Variants in HIVEP2 observed in about 807,000 individuals in gnomAD.
HIVEP2 encodes the protein transcription factor HIVEP2.
A neutral mutation model predicts 180.7 loss-of-function variants in HIVEP2; 14 were observed. That is an observed-to-expected ratio of 0.08 (90% CI 0.05 to 0.12). The LOEUF (loss-of-function observed/expected upper bound fraction) is 0.12, where lower values mean the gene tolerates loss of function less well. HIVEP2 is among the 10% of genes least tolerant of loss of function. The pLI is 1.00. For synonymous variants in HIVEP2, 1,184 were observed against 1,136.4 expected (o/e 1.04, Z -0.84); for missense variants, 2,579 against 3,008.5 (o/e 0.86, Z 3.34).
At chr6:142,820,231 G>A (rs1294052274) in intron 2 of HIVEP2, among the ~76,000 whole-genome samples, 1 of 151,882 alleles carries the variant, frequency 6.6e-6, no homozygotes, top group African/African-American at 2.4e-5. Context: ...AGAAATGTCA[G>A]GAAGCAGCTG....
intron 2 of HIVEP2, among the ~76,000 whole-genome samples, chr6:142,793,649 TTTCTTTC>T (rs1238256354): frequency 3.8e-3 from 165 of 43,696 alleles, no homozygotes; most frequent in South Asian, 6.6e-3. Flanking sequence ...TCTTTCTTTC[TTTCTTTC>T]TTTTTTCTTT....
At chr6:142,907,368 A>G (rs1307000695) in intron 1 of HIVEP2, among the ~76,000 whole-genome samples, 1 of 133,976 alleles carries the variant, frequency 7.5e-6, no homozygotes, top group East Asian at 1.9e-4. Context: ...TAGCACTACC[A>G]GTAGTCTTAC....
At chr6:142,889,259 C>G (rs908704757) in intron 1 of HIVEP2, among the ~76,000 whole-genome samples, 2 of 151,984 alleles carry the variant, frequency 1.3e-5, no homozygotes, top group African/African-American at 4.8e-5. Context: ...TCTCTTGAGT[C>G]CAGGAGATGG....
intron 1 of HIVEP2, among the ~76,000 whole-genome samples, chr6:142,923,970 A>C (rs769068084): frequency 2.6e-5 from 4 of 152,242 alleles, no homozygotes; most frequent in Admixed American, 6.5e-5. Context: ...GTGCTAGTTA[A>C]AATGATTCAA....
rs34581763 is a variant in HIVEP2 at position 142,944,427 on chromosome 6, C to CCACACA, written c.-641+666_-641+671dup. Among the ~76,000 whole-genome samples, 1,413 of 146,910 alleles carry CCACACA rather than the reference C, an allele frequency of 9.6e-3. 21 individuals are homozygous for CCACACA. Among genetic ancestry groups the CCACACA allele is most frequent in the African/African-American group, 0.034 (1,332 of 39,242 alleles). ...CATCAGCACCCCCTCCCCCACACACCCACACACACACACACACACGCACAC... is the reference window on the plus strand; with the variant it reads ...CATCAGCACCCCCTCCCCCACACACCCACACACACACACACACACACACACGCACAC... On this transcript the variant is annotated intron_variant, in intron 1 of 9. Coordinates refer to ENST00000367603, the MANE Select transcript of HIVEP2 (RefSeq NM_006734.4).
chr6:142,759,889 T>C lies in HIVEP2; in HGVS notation c.6399A>G (p.Arg2133=), dbSNP rs916777834. 1.9e-6 allele frequency: 3 copies of C among 1,614,046 alleles called. No homozygotes were observed. The African/African-American group carries it at 4.0e-5, about 22-fold the overall frequency. ...ITARRDLSPR[R]ERRYMTTIRA... ...TTATTGTGGTCATGTATCTTCTCTCTCTTCTAGGAGAGAGGTCTCTTCTTG... is the reference window on the plus strand; with the variant it reads ...TTATTGTGGTCATGTATCTTCTCTCCCTTCTAGGAGAGAGGTCTCTTCTTG... Residue 2133 remains arginine, a synonymous_variant, in exon 9 of 10, where the codon AGA becomes AGG. Transcript: ENST00000367603.
chr6:142,758,760 C>A (rs547352667), intron 9 of HIVEP2, among the ~76,000 whole-genome samples: 10 of 152,148 alleles, frequency 6.6e-5, no homozygotes, highest in Non-Finnish European at 1.5e-4. Flanking sequence ...TTACTGTTAT[C>A]TTCACTTATA....
rs374181802 is a variant in HIVEP2 at position 142,753,429 on chromosome 6, G to C, written c.7019C>G (p.Thr2340Arg). Residue 2340 changes from threonine to arginine, a missense_variant, in exon 10 of 10, where the codon ACG (threonine) becomes AGG (arginine). Coordinates refer to ENST00000367603, the MANE Select transcript of HIVEP2 (RefSeq NM_006734.4). ...TKAIASLRIA[T>R]EEAALLGPDQ... ...TGGCCCGAGCAGAGCTGCCTCTTCC[G>C]TGGCAATCCGGAGAGAGGCAATGGC... 6.2e-7 allele frequency: 1 copy of C among 1,613,968 alleles called. No individual in the cohort carries two copies. Among genetic ancestry groups the C allele is most frequent in the Non-Finnish European group, 8.5e-7 (1 of 1,180,036 alleles).
At chr6:142,824,775 C>G (rs976265304) in intron 2 of HIVEP2, among the ~76,000 whole-genome samples, 3 of 152,310 alleles carry the variant, frequency 2.0e-5, no homozygotes, top group Admixed American at 1.3e-4. Flanking sequence ...CCCATCTCAG[C>G]CAGCTACAAA....
At chr6:142,793,673 T>TTCTTTTTTTTTTCTTTCTTTCTTTCTC (rs1289211652) in intron 2 of HIVEP2, among the ~76,000 whole-genome samples, 3 of 107,512 alleles carry the variant, frequency 2.8e-5, no homozygotes, top group Admixed American at 2.5e-4. Context: ...CTTTCTTTCT[T>TTCTTTTTTTTTTCTTTCTTTCTTTCTC]TCTCTCTCTC....
chr6:142,880,641 C>T (rs192203528), intron 1 of HIVEP2, among the ~76,000 whole-genome samples: 11 of 152,246 alleles, frequency 7.2e-5, no homozygotes, highest in Admixed American at 2.0e-4. Context: ...TCATTACAAA[C>T]GGGGAAAGCT....
chr6:142,769,721 C>G lies in HIVEP2; in HGVS notation c.5018G>C (p.Trp1673Ser), dbSNP rs1402017295. The G allele has an allele frequency of 2.5e-6, 4 of 1,614,190 alleles. No homozygotes were observed. Among genetic ancestry groups the G allele is most frequent in the Non-Finnish European group, 3.4e-6 (4 of 1,180,034 alleles). ...GTTTGGATTACAGGAACTAATGCACCATGAAGCATAAACCGAGGATTTGAA... is the reference window on the plus strand; with the variant it reads ...GTTTGGATTACAGGAACTAATGCACGATGAAGCATAAACCGAGGATTTGAA... Reference protein sequence around the residue: ...ATFKSSVYASWCISSCNPNPS... With the variant: ...ATFKSSVYASSCISSCNPNPS... Residue 1673 changes from tryptophan to serine, a missense_variant, in exon 5 of 10, where the codon TGG becomes TCG. Coordinates refer to ENST00000367603, the MANE Select transcript of HIVEP2 (RefSeq NM_006734.4).
chr6:142,824,140 T>C (rs1777116151), intron 2 of HIVEP2, among the ~76,000 whole-genome samples: 1 of 152,136 alleles, frequency 6.6e-6, no homozygotes, highest in African/African-American at 2.4e-5. Flanking sequence ...GTTGACACCT[T>C]AGTATATATA....
intron 1 of HIVEP2, among the ~76,000 whole-genome samples, chr6:142,866,564 C>T (rs1776143943): frequency 6.6e-6 from 1 of 152,064 alleles, no homozygotes; most frequent in Non-Finnish European, 1.5e-5. Context: ...GTCAAAGTGC[C>T]TACCTTTAAT....
intron 1 of HIVEP2, among the ~76,000 whole-genome samples, chr6:142,914,670 T>C (rs1291906556): frequency 6.6e-6 from 1 of 152,182 alleles, no homozygotes; most frequent in Non-Finnish European, 1.5e-5. Context: ...AATAAATAAT[T>C]GTTAACTAAA....
chr6:142,780,924 T>C (rs1775842916), intron 3 of HIVEP2, among the ~76,000 whole-genome samples: 1 of 152,210 alleles, frequency 6.6e-6, no homozygotes, highest in African/African-American at 2.4e-5. Flanking sequence ...ATTTTATTAC[T>C]AAAATGTATA....
In HIVEP2 at chr6:142,772,031, T is replaced by C; in HGVS notation, c.2708A>G (p.Glu903Gly). 1 of 1,614,210 alleles carries C rather than the reference T, an allele frequency of 6.2e-7. No individual in the cohort carries two copies. Among genetic ancestry groups the C allele is most frequent in the Non-Finnish European group, 8.5e-7 (1 of 1,180,026 alleles). The change falls in exon 5 of 10, where the codon GAG becomes GGG. Residue 903 changes from glutamate to glycine, a missense_variant. Physicochemically the swap from Glu to Gly is moderately conservative, Grantham distance 98. Around this residue, in one of 11 missense-constraint regions of HIVEP2, gnomAD observed 51 missense variants for 102.8 expected, o/e 0.50. Transcript: ENST00000367603. This position sits in a 1 kb window ranked among gnomAD's most constrained non-coding sequence, Gnocchi z 4.9. The part of the protein sequence containing the change: ...VTEEPDKPEK[E>G]KEAQSKEPEK... ...TGGCTCTTTGCTCTGGGCTTCCTTC[T>C]CCTTCTCAGGTTTATCAGGCTCCTC... is the stretch of plus-strand genomic sequence containing the variant.
intron 1 of HIVEP2, among the ~76,000 whole-genome samples, chr6:142,845,426 A>AGT (rs967382205): frequency 5.9e-5 from 9 of 151,950 alleles, no homozygotes; most frequent in Admixed American, 2.6e-4. Flanking sequence ...CTCTCTTCAA[A>AGT]GTGTGTGTGT....
Position 142,760,400 on chromosome 6 carries a change from A to G in HIVEP2, c.5888T>C (p.Leu1963Pro). 1 of 1,614,234 alleles carries G rather than the reference A, an allele frequency of 6.2e-7. No individual in the cohort carries two copies. The highest frequency in any genetic ancestry group is 8.5e-7 in the Non-Finnish European group (1 of 1,180,036). Residue 1963 changes from leucine (L) to proline (P), a missense_variant, in exon 9 of 10, where the codon CTG becomes CCG. By Grantham distance (98) the Leu-to-Pro change is moderately conservative. Around this residue, in one of 11 missense-constraint regions of HIVEP2, gnomAD observed 660 missense variants for 731.7 expected, o/e 0.90. Transcript: ENST00000367603. Reference protein sequence around the residue: ...VPHGVPSDSSLGHSSLISYLV... With the variant: ...VPHGVPSDSSPGHSSLISYLV... ...ATAGCTGATCAACGAAGAATGTCCCAGGGAACTATCTGAAGGAACCCCGTG... is the reference window on the plus strand; with the variant it reads ...ATAGCTGATCAACGAAGAATGTCCCGGGGAACTATCTGAAGGAACCCCGTG...
Sources: gnomAD v4.1 joint callset for allele counts (sites outside exome capture counted in the v4.1 genomes callset) on GRCh38, gnomAD v4.1.1 for gene constraint, gnomAD v4.1.1 regional missense constraint, Gnocchi (gnomAD v3.1) non-coding constraint, MANE v1.5 for transcripts, NCBI Gene and HGNC (gene_info 2026-07-23, HGNC 2026-07-21) for gene names.